Variants in PADI4 observed in about 807,000 individuals in gnomAD.
PADI4 encodes peptidyl arginine deiminase 4, also known as protein-arginine deiminase type-4.
In PADI4, 62 loss-of-function variants were observed where a neutral mutation model predicts 75.0. The ratio of observed to expected loss-of-function variants is 0.83; its 90% CI spans 0.67 to 1.02. PADI4 has a LOEUF of 1.02. PADI4 is among the 50% of genes least tolerant of loss of function. PADI4 has a pLI of 0.00. For synonymous variants in PADI4, 361 were observed against 348.1 expected (o/e 1.04, Z -0.41); for missense variants, 845 against 850.5 (o/e 0.99, Z 0.08).
At chr1:17,328,554 T>C (rs11203363) in intron 1 of PADI4, among the ~76,000 whole-genome samples, 84,343 of 151,364 alleles carry the variant, frequency 0.56, 23,644 homozygotes, top group East Asian at 0.59. Flanking sequence ...GGCTGAGACA[T>C]GAGGATCACT....
chr1:17,318,878 T>C (rs1187951854), intron 1 of PADI4, among the ~76,000 whole-genome samples: 2 of 152,102 alleles, frequency 1.3e-5, no homozygotes, highest in Admixed American at 1.3e-4. Context: ...TTAATAGAGA[T>C]GGGGTTTCAC....
chr1:17,327,878 C>G (rs1309250469), intron 1 of PADI4, among the ~76,000 whole-genome samples: 1 of 152,002 alleles, frequency 6.6e-6, no homozygotes, highest in Non-Finnish European at 1.5e-5. Context: ...TTTATTTGTC[C>G]AATTTCTCCC....
At chr1:17,334,033 A>C in intron 3 of PADI4, 24 bp downstream of exon 3, 1 of 1,497,800 alleles carries the variant, frequency 6.7e-7, no homozygotes, top group Non-Finnish European at 9.3e-7. Context: ...AGGATCCTAG[A>C]GTGCCGTCTC....
At chr1:17,349,026 C>T (rs1314781272) in intron 10 of PADI4, among the ~76,000 whole-genome samples, 1 of 152,228 alleles carries the variant, frequency 6.6e-6, no homozygotes, top group Non-Finnish European at 1.5e-5. Flanking sequence ...TTCAGTTAAA[C>T]TCAACAACTT....
intron 1 of PADI4, among the ~76,000 whole-genome samples, chr1:17,326,530 C>G (rs936995883): frequency 6.6e-6 from 1 of 152,146 alleles, no homozygotes; most frequent in Admixed American, 6.5e-5. Flanking sequence ...ATACTTTATA[C>G]TAGTGACTTC....
intron 1 of PADI4, among the ~76,000 whole-genome samples, chr1:17,323,275 C>T (rs1264329375): frequency 3.0e-5 from 4 of 133,174 alleles, no homozygotes; most frequent in African/African-American, 5.5e-5. Context: ...GAGAGAGAGA[C>T]AGAGAGAGAA....
intron 1 of PADI4, among the ~76,000 whole-genome samples, chr1:17,314,026 G>A (rs2073891165): frequency 6.6e-6 from 1 of 152,158 alleles, no homozygotes; most frequent in Admixed American, 6.5e-5. Flanking sequence ...TTACCTCTCT[G>A]AGCCTCAGTT....
intron 15 of PADI4, among the ~76,000 whole-genome samples, chr1:17,361,525 C>T (rs917336936): frequency 2.6e-5 from 4 of 152,202 alleles, no homozygotes; most frequent in East Asian, 3.9e-4. Context: ...TGTGTCTAGG[C>T]GGTGGCCCCC....
In PADI4 at chr1:17,339,675, C is replaced by T. The variant is rs750804860; in HGVS notation, c.527-13C>T. 1.9e-5 allele frequency: 31 copies of T among 1,613,674 alleles called. No homozygotes were observed. The South Asian group carries it at 2.7e-4, about 14-fold the overall frequency. On this transcript the variant is annotated splice_polypyrimidine_tract_variant and intron_variant, in intron 5 of 15. Coordinates refer to ENST00000375448, the MANE Select transcript of PADI4 (RefSeq NM_012387.3). ...AGGGCCCTGTGACTCAGGCAATGCC[C>T]TTCTCATCCCAGACCTGCAGGACAT...
chr1:17,336,480 T>C (rs993032715), intron 4 of PADI4, among the ~76,000 whole-genome samples: 1 of 152,226 alleles, frequency 6.6e-6, no homozygotes, highest in Admixed American at 6.5e-5. Context: ...ACCCAGTTAA[T>C]ACACAGCAGA....
rs750038722 is a variant in PADI4, at chr1:17,345,075, C to T, written c.936-953C>T. Among the ~76,000 whole-genome samples, 10 of 152,356 alleles carry T rather than the reference C, an allele frequency of 6.6e-5. No homozygotes were observed. The Middle Eastern group carries it at 0.014, about 207-fold the overall frequency. On this transcript the variant is annotated intron_variant, in intron 8 of 15. Transcript: ENST00000375448. ...ACCCTGCAAAGCCACAGGGGCAGAG[C>T]TGCCTAAGACCATGGGAACCCACCT... is the stretch of plus-strand genomic sequence containing the variant.
chr1:17,358,757 A>T, intron 13 of PADI4, 81 bp from the exon 14 acceptor site: 1 of 861,110 alleles, frequency 1.2e-6, no homozygotes, highest in Non-Finnish European at 1.9e-6. Context: ...GGGAACACTG[A>T]GTCCCCCCCC....
At chr1:17,342,482 G>A in intron 8 of PADI4, 80 bp downstream of exon 8, 1 of 840,936 alleles carries the variant, frequency 1.2e-6, no homozygotes. Flanking sequence ...TGTGTGATGG[G>A]AAAAACAGTC....
intron 1 of PADI4, among the ~76,000 whole-genome samples, chr1:17,309,952 T>G (rs2073787399): frequency 6.6e-6 from 1 of 152,138 alleles, no homozygotes; most frequent in South Asian, 2.1e-4. Flanking sequence ...AGATCACAAG[T>G]GCTTCCTCTG....
chr1:17,322,313 C>T (rs2074043112), intron 1 of PADI4, among the ~76,000 whole-genome samples: 1 of 152,086 alleles, frequency 6.6e-6, no homozygotes, highest in South Asian at 2.1e-4. Context: ...TATGGTGAAA[C>T]CCTATCTCTA....
intron 11 of PADI4, among the ~76,000 whole-genome samples, chr1:17,355,405 TG>T (rs1287329107): frequency 6.6e-6 from 1 of 152,084 alleles, no homozygotes; most frequent in Non-Finnish European, 1.5e-5. Flanking sequence ...AAAAATTAGC[TG>T]GGCCTGGTGA....
At chr1:17,336,783 T>G (rs1388281473) in intron 4 of PADI4, among the ~76,000 whole-genome samples, 3 of 152,226 alleles carry the variant, frequency 2.0e-5, no homozygotes, top group Non-Finnish European at 2.9e-5. Flanking sequence ...TGGTGTGCAC[T>G]GGGGGCTGTG....
chr1:17,322,885 T>C (rs1426917110), intron 1 of PADI4, among the ~76,000 whole-genome samples: 2 of 152,118 alleles, frequency 1.3e-5, no homozygotes, highest in Non-Finnish European at 2.9e-5. Context: ...GTATACTGTA[T>C]TAGCTATCTA....
chr1:17,352,110 AGACTGT>A (rs1557577149), intron 10 of PADI4, among the ~76,000 whole-genome samples: 14 of 134,768 alleles, frequency 1.0e-4, no homozygotes, highest in Non-Finnish European at 1.6e-4. Flanking sequence ...GTGGTAGGAG[AGACTGT>A]GGTCAGAGAG....
Sources: gnomAD v4.1 joint callset for allele counts (sites outside exome capture counted in the v4.1 genomes callset) on GRCh38, gnomAD v4.1.1 for gene constraint, MANE v1.5 for transcripts, NCBI Gene and HGNC (gene_info 2026-07-23, HGNC 2026-07-21) for gene names.